The following CNTN5 variants were observed in gnomAD, a reference collection of about 807,000 sequenced individuals.
CNTN5 encodes the protein contactin-5.
A neutral mutation model predicts 129.1 loss-of-function variants in CNTN5; 77 were observed. The ratio of observed to expected loss-of-function variants is 0.60; its 90% CI spans 0.50 to 0.72. CNTN5 has a LOEUF of 0.72. CNTN5 is among the 30% of genes least tolerant of loss of function. CNTN5 has a pLI of 0.00. For synonymous variants in CNTN5, 509 were observed against 465.6 expected (o/e 1.09, Z -1.20); for missense variants, 1,478 against 1,328.8 (o/e 1.11, Z -1.75).
rs1390943063 is a variant in CNTN5 at position 100,341,136 on chromosome 11, C to G, written c.2961C>G (p.Gly987=). 23 of 1,613,772 alleles carry G rather than the reference C, an allele frequency of 1.4e-5. No individual in the cohort carries two copies. Among genetic ancestry groups the G allele is most frequent in the Non-Finnish European group, 1.9e-5 (22 of 1,179,808 alleles). The change falls in exon 23 of 25, where the codon GGC becomes GGG. Residue 987 remains glycine, a synonymous_variant. Coordinates refer to ENST00000524871, the MANE Select transcript of CNTN5 (RefSeq NM_014361.4). ...APSNLRWEQQ[G]SQVSLGWEPV... is the part of the protein sequence containing the mutation. ...GCAACCTCAGGTGGGAGCAGCAAGGCTCTCAGGTTTCTCTGGGCTGGGAAC... is the reference window on the plus strand; with the variant it reads ...GCAACCTCAGGTGGGAGCAGCAAGGGTCTCAGGTTTCTCTGGGCTGGGAAC...
At chr11:100,005,149 A>G (rs1264579029) in intron 9 of CNTN5, among the ~76,000 whole-genome samples, 1 of 152,222 alleles carries the variant, frequency 6.6e-6, no homozygotes, top group Non-Finnish European at 1.5e-5. Context: ...CACCTGGCAC[A>G]TAGCATTCAG....
chr11:99,726,636 C>T (rs1943349967), intron 3 of CNTN5, among the ~76,000 whole-genome samples: 1 of 152,132 alleles, frequency 6.6e-6, no homozygotes. Flanking sequence ...AAATAGGAAA[C>T]TATCGTCTCC....
rs571512649 is a variant in CNTN5, at chr11:99,623,784, CTG to C, written c.55+67517_55+67518del. 1.6e-3 allele frequency among the ~76,000 whole-genome samples: 237 copies of C among 150,164 alleles called. 3 individuals carry two copies. Among genetic ancestry groups the C allele is most frequent in the African/African-American group, 5.5e-3 (225 of 41,240 alleles). ...AGATAAAAGCTGTGCACTAAGGTAT[CTG>C]TATTTATTTGTACTGATATATACTA... is the stretch of plus-strand genomic sequence containing the variant. On this transcript the variant is annotated intron_variant, in intron 3 of 24. Transcript: ENST00000524871.
chr11:99,094,471 A>G (rs1366517253), intron 1 of CNTN5, among the ~76,000 whole-genome samples: 9 of 152,026 alleles, frequency 5.9e-5, no homozygotes, highest in Admixed American at 5.9e-4. Flanking sequence ...GTTTCTGACC[A>G]TCTGACCATT....
At chr11:99,163,495 C>G (rs936610727) in intron 1 of CNTN5, among the ~76,000 whole-genome samples, 2 of 151,946 alleles carry the variant, frequency 1.3e-5, no homozygotes, top group African/African-American at 4.8e-5. Flanking sequence ...AATTAACACT[C>G]AATGAAATTA....
intron 1 of CNTN5, among the ~76,000 whole-genome samples, chr11:99,285,864 C>T (rs1437423129): frequency 1.3e-5 from 2 of 151,922 alleles, no homozygotes; most frequent in Non-Finnish European, 2.9e-5. Flanking sequence ...ATGGTGAAAT[C>T]TCGTTTCTAC....
At chr11:100,019,554 A>G (rs1591064985) in intron 9 of CNTN5, among the ~76,000 whole-genome samples, 1 of 151,960 alleles carries the variant, frequency 6.6e-6, no homozygotes, top group Non-Finnish European at 1.5e-5. Context: ...ATAATATTCC[A>G]TTATGTATAT....
rs189574549 is a variant in CNTN5, at chr11:99,903,899, G to A, written c.578-12155G>A. On this transcript the variant is annotated intron_variant, in intron 6 of 24. Coordinates refer to ENST00000524871, the MANE Select transcript of CNTN5 (RefSeq NM_014361.4). ...CTATCAAAACAAGACATGCAAATGG[G>A]CACCAGATAAAAGTATTCAACATCA... Among the ~76,000 whole-genome samples the A allele has an allele frequency of 2.8e-3, 419 of 152,158 alleles. 1 individual carries two copies. The highest frequency in any genetic ancestry group is 9.3e-3 in the African/African-American group (386 of 41,544).
At chr11:99,703,774 A>G (rs999844764) in intron 3 of CNTN5, among the ~76,000 whole-genome samples, 1 of 151,054 alleles carries the variant, frequency 6.6e-6, no homozygotes, top group African/African-American at 2.4e-5. Flanking sequence ...TAATTTGATC[A>G]TTTAACACAG....
intron 4 of CNTN5, among the ~76,000 whole-genome samples, chr11:99,837,157 T>A (rs1351880924): frequency 3.3e-5 from 5 of 152,228 alleles, no homozygotes. Context: ...TCCCAGCCTC[T>A]GTTCACGATG....
intron 8 of CNTN5, among the ~76,000 whole-genome samples, chr11:99,962,252 C>A (rs964586867): frequency 2.0e-4 from 30 of 151,998 alleles, no homozygotes; most frequent in African/African-American, 7.2e-4. Context: ...TGGTGTGCTG[C>A]ACCCATTAAC....
intron 18 of CNTN5, among the ~76,000 whole-genome samples, chr11:100,287,934 C>CA (rs1417869195): frequency 2.0e-5 from 3 of 151,746 alleles, no homozygotes; most frequent in East Asian, 3.9e-4. Flanking sequence ...AAATGGAAAA[C>CA]AAAAAAAGGC....
At chr11:100,327,250 A>T (rs1951807788) in intron 21 of CNTN5, among the ~76,000 whole-genome samples, 1 of 152,152 alleles carries the variant, frequency 6.6e-6, no homozygotes, top group African/African-American at 2.4e-5. Flanking sequence ...GTTTTTACTA[A>T]TCCTAGCTCC....
At chr11:100,201,483 T>A (rs939048717) in intron 15 of CNTN5, among the ~76,000 whole-genome samples, 42 of 152,110 alleles carry the variant, frequency 2.8e-4, no homozygotes, top group African/African-American at 9.4e-4. Flanking sequence ...CTGAAATGAG[T>A]ACCTAAATTA....
At chr11:100,309,995 C>G (rs1408047513) in intron 21 of CNTN5, among the ~76,000 whole-genome samples, 1 of 151,894 alleles carries the variant, frequency 6.6e-6, no homozygotes, top group Non-Finnish European at 1.5e-5. Context: ...TGATACAGAG[C>G]CTTGCTGCGT....
intron 3 of CNTN5, among the ~76,000 whole-genome samples, chr11:99,747,430 C>T (rs1944088710): frequency 6.6e-6 from 1 of 150,502 alleles, no homozygotes; most frequent in Non-Finnish European, 1.5e-5. Flanking sequence ...GCTGAGATTT[C>T]CCATACTATA....
intron 3 of CNTN5, among the ~76,000 whole-genome samples, chr11:99,686,630 G>T (rs961106903): frequency 6.6e-6 from 1 of 151,962 alleles, no homozygotes; most frequent in East Asian, 1.9e-4. Context: ...ATGCATATAA[G>T]CTTAGAGAGA....
At chr11:100,177,881 T>C (rs1433712910) in intron 13 of CNTN5, among the ~76,000 whole-genome samples, 1 of 152,090 alleles carries the variant, frequency 6.6e-6, no homozygotes, top group Non-Finnish European at 1.5e-5. Flanking sequence ...ATGTAGCCAC[T>C]GTTTTTCTCG....
chr11:100,347,202 T>A (rs1952300425), intron 23 of CNTN5, among the ~76,000 whole-genome samples: 1 of 152,132 alleles, frequency 6.6e-6, no homozygotes, highest in African/African-American at 2.4e-5. Context: ...CTGAGATATA[T>A]GTACACTTGG....
Sources: allele counts gnomAD v4.1 joint callset (sites outside exome capture counted in the v4.1 genomes callset), GRCh38; gene constraint gnomAD v4.1.1; transcripts MANE v1.5; gene names NCBI Gene and HGNC (gene_info 2026-07-23, HGNC 2026-07-21).